HS3ST2: variants seen among roughly 807,000 people sequenced by gnomAD.
The protein encoded by HS3ST2 is heparan sulfate-glucosamine 3-sulfotransferase 2.
Under a neutral mutation model 26.3 loss-of-function variants are expected in HS3ST2, and 17 were observed. The observed-to-expected ratio is 0.65, with a 90% confidence interval of 0.44 to 0.97. The LOEUF (loss-of-function observed/expected upper bound fraction) is 0.97. HS3ST2 is among the 50% of genes least tolerant of loss of function. The pLI, the probability that HS3ST2 is intolerant of heterozygous loss-of-function variation, is 0.00. For missense variants in HS3ST2, 402 were observed against 501.2 expected, an observed-to-expected ratio of 0.80 and a Z score of 1.89; for synonymous variants, 237 against 219.2, an observed-to-expected ratio of 1.08 and a Z score of -0.72.
At chr16:22,914,149 A>G (rs1210933447) in intron 1 of HS3ST2, among the ~76,000 whole-genome samples, 1 of 152,102 alleles carries the variant, frequency 6.6e-6, no homozygotes, top group Non-Finnish European at 1.5e-5. Context: ...CTCTTAAAAA[A>G]AAAAAAAGCA....
chr16:22,871,389 G>A (rs1422975726), intron 1 of HS3ST2, among the ~76,000 whole-genome samples: 2 of 151,548 alleles, frequency 1.3e-5, no homozygotes, highest in Admixed American at 1.3e-4. Context: ...GAGACTTTAT[G>A]TTAGATGATT....
At chr16:22,858,080 A>T (rs1406640653) in intron 1 of HS3ST2, among the ~76,000 whole-genome samples, 1 of 135,198 alleles carries the variant, frequency 7.4e-6, no homozygotes, top group Non-Finnish European at 1.6e-5. Context: ...TGCCCTCTTT[A>T]AGAGCTCTTA....
chr16:22,910,890 TA>T (rs1223384631), intron 1 of HS3ST2, among the ~76,000 whole-genome samples: 2 of 152,166 alleles, frequency 1.3e-5, no homozygotes, highest in African/African-American at 4.8e-5. Flanking sequence ...TGGTTGCACA[TA>T]AGGATTAGCT....
At chr16:22,896,901 G>T (rs1902219265) in intron 1 of HS3ST2, among the ~76,000 whole-genome samples, 1 of 152,094 alleles carries the variant, frequency 6.6e-6, no homozygotes, top group Admixed American at 6.5e-5. Flanking sequence ...TGACTTCCTG[G>T]GCTCAAGTGA....
At chr16:22,815,121 G>T (rs1188018789) in intron 1 of HS3ST2, 26 bp downstream of exon 1, 1 of 1,605,674 alleles carries the variant, frequency 6.2e-7, no homozygotes, top group Non-Finnish European at 8.5e-7. Flanking sequence ...TCCGCTCCGT[G>T]CGCCGGGTCT....
chr16:22,848,226 T>C (rs1355239609), intron 1 of HS3ST2, among the ~76,000 whole-genome samples: 2 of 152,218 alleles, frequency 1.3e-5, no homozygotes, highest in Admixed American at 6.5e-5. Flanking sequence ...TGTTTCATCT[T>C]AGGCAGGTCA....
At chr16:22,906,466 C>A (rs1902354332) in intron 1 of HS3ST2, among the ~76,000 whole-genome samples, 1 of 152,230 alleles carries the variant, frequency 6.6e-6, no homozygotes. Flanking sequence ...CAGACTTTTG[C>A]ATTGCTCCAA....
At chr16:22,838,297 G>T (rs891964756) in intron 1 of HS3ST2, among the ~76,000 whole-genome samples, 1 of 152,058 alleles carries the variant, frequency 6.6e-6, no homozygotes, top group Non-Finnish European at 1.5e-5. Context: ...GATTTTGAAG[G>T]CTCCCTTTTG....
At chr16:22,841,911 C>T (rs568972095) in intron 1 of HS3ST2, among the ~76,000 whole-genome samples, 201 of 152,014 alleles carry the variant, frequency 1.3e-3, no homozygotes, top group African/African-American at 4.7e-3. Context: ...TCTTATAGAC[C>T]CTGGAAGACC....
At chr16:22,832,462 CTTA>C (rs1320398038) in intron 1 of HS3ST2, among the ~76,000 whole-genome samples, 1 of 152,002 alleles carries the variant, frequency 6.6e-6, no homozygotes, top group African/African-American at 2.4e-5. Context: ...AACTTTCATC[CTTA>C]TTATGAGTTA....
At chr16:22,891,158 A>C (rs1902122788) in intron 1 of HS3ST2, among the ~76,000 whole-genome samples, 1 of 152,190 alleles carries the variant, frequency 6.6e-6, no homozygotes, top group Non-Finnish European at 1.5e-5. Context: ...ATTCAGCTGC[A>C]TGTTTTGCAA....
chr16:22,823,513 G>A (rs1035838417), intron 1 of HS3ST2, among the ~76,000 whole-genome samples: 1 of 152,094 alleles, frequency 6.6e-6, no homozygotes, highest in Non-Finnish European at 1.5e-5. Context: ...CCAATGATGG[G>A]CTGGGTGCGG....
intron 1 of HS3ST2, among the ~76,000 whole-genome samples, chr16:22,899,296 G>T (rs1012480621): frequency 6.6e-6 from 1 of 152,170 alleles, no homozygotes; most frequent in Non-Finnish European, 1.5e-5. Context: ...GTCAGGAAAC[G>T]GCTGGGTTGA....
chr16:22,844,433 C>T (rs1411020800), intron 1 of HS3ST2, among the ~76,000 whole-genome samples: 1 of 152,118 alleles, frequency 6.6e-6, no homozygotes, highest in Non-Finnish European at 1.5e-5. Flanking sequence ...ATAAGATTCC[C>T]AACTCTATGC....
chr16:22,837,639 A>C (rs2141180717), intron 1 of HS3ST2, among the ~76,000 whole-genome samples: 1 of 150,106 alleles, frequency 6.7e-6, no homozygotes, highest in South Asian at 2.1e-4. Flanking sequence ...AAACACACAC[A>C]CATATATGTA....
At chr16:22,869,959 A>G (rs1209452403) in intron 1 of HS3ST2, among the ~76,000 whole-genome samples, 1 of 152,234 alleles carries the variant, frequency 6.6e-6, no homozygotes, top group Non-Finnish European at 1.5e-5. Flanking sequence ...GAAATAGCTC[A>G]TGTAGATTGA....
Position 22,915,263 on chromosome 16 carries a change from A to C in HS3ST2, c.805A>C (p.Ile269Leu). 1.2e-6 allele frequency: 2 copies of C among 1,613,976 alleles called. No homozygotes were observed. The highest frequency in any genetic ancestry group is 1.1e-5 in the South Asian group (1 of 91,066). Residue 269 changes from isoleucine to leucine, a missense_variant, in exon 2 of 2, where the codon ATT becomes CTT. Physicochemically the swap from Ile to Leu is conservative, Grantham distance 5 (BLOSUM62 2). Around this residue, in one of 2 missense-constraint regions of HS3ST2, gnomAD observed 237 missense variants for 346.6 expected, o/e 0.68. Transcript: ENST00000261374. ...GCTGCAGTACTTCCCGCTAGCTCAG[A>C]TTCACTTCGTCAGTGGCGAGCGACT... The part of the protein sequence containing the change: ...SWLQYFPLAQ[I>L]HFVSGERLIT...
At chr16:22,866,628 C>T (rs1270314072) in intron 1 of HS3ST2, among the ~76,000 whole-genome samples, 1 of 151,670 alleles carries the variant, frequency 6.6e-6, no homozygotes, top group Non-Finnish European at 1.5e-5. Flanking sequence ...TGGCAAGACC[C>T]CGTCTCTACA....
chr16:22,865,276 C>T (rs1047643045), intron 1 of HS3ST2, among the ~76,000 whole-genome samples: 4 of 151,994 alleles, frequency 2.6e-5, no homozygotes, highest in Non-Finnish European at 5.9e-5. Flanking sequence ...CCTGCTAGGC[C>T]GGGCGCGGTG....
Sources: allele counts gnomAD v4.1 joint callset (sites outside exome capture counted in the v4.1 genomes callset), GRCh38; gene constraint gnomAD v4.1.1; regional missense constraint gnomAD v4.1.1; transcripts MANE v1.5; gene names NCBI Gene and HGNC (gene_info 2026-07-23, HGNC 2026-07-21).